Variants in NEURL4 observed in about 807,000 individuals in gnomAD.
NEURL4 encodes neuralized-like protein 4.
A neutral mutation model predicts 148.0 loss-of-function variants in NEURL4; 45 were observed. That is an observed-to-expected ratio of 0.30 (90% confidence interval 0.24 to 0.39). The LOEUF is 0.39. NEURL4 is among the 10% of genes least tolerant of loss of function. NEURL4 has a pLI of 1.00. For synonymous variants in NEURL4, 854 were observed against 869.0 expected, an observed-to-expected ratio of 0.98 and a Z score of 0.30; for missense variants, 1,776 against 2,144.0, an observed-to-expected ratio of 0.83 and a Z score of 3.39.
In NEURL4 at chr17:7,327,476, A is replaced by G; in HGVS notation, c.691T>C (p.Ser231Pro). 1 of 1,571,836 alleles carries G rather than the reference A, an allele frequency of 6.4e-7. No individual in the cohort carries two copies. The highest frequency in any genetic ancestry group is 8.6e-7 in the Non-Finnish European group (1 of 1,156,346). Residue 231 changes from serine (S) to proline (P), a missense_variant, in exon 2 of 29, where the codon TCT becomes CCT. Coordinates refer to ENST00000399464, the MANE Select transcript of NEURL4 (RefSeq NM_032442.3). The surrounding 1 kb of genome is among the most constrained non-coding windows in gnomAD (Gnocchi z 6.6). ...GAGGTCCCCTGTTCAGCCAAGGCAG[A>G]GTCTTCAGTGGGGGCCAAGGGCTCG... ...PLEPLAPTED[S>P]ALAEQGTSAD...
In NEURL4 at chr17:7,326,539, C is replaced by T. The variant is rs2073105256; in HGVS notation, c.1102G>A (p.Asp368Asn). 3.7e-6 allele frequency: 6 copies of T among 1,613,720 alleles called. No individual in the cohort carries two copies. The highest frequency in any genetic ancestry group is 2.2e-5 in the East Asian group (1 of 44,876). The change falls in exon 5 of 29, where the codon GAC (aspartate) becomes AAC (asparagine). Residue 368 changes from aspartate to asparagine, a missense_variant. Asp to Asn is a conservative substitution (Grantham distance 23, BLOSUM62 1). Coordinates refer to ENST00000399464, the MANE Select transcript of NEURL4 (RefSeq NM_032442.3). This position sits in a 1 kb window ranked among gnomAD's most constrained non-coding sequence, Gnocchi z 6.0. Reference protein sequence around the residue: ...RDNEMFEIRIDKLVDKWSGSI... With the variant: ...RDNEMFEIRINKLVDKWSGSI... The stretch of plus-strand genomic sequence containing the variant: ...CCTGACCACTTATCAACAAGCTTGT[C>T]GATACGGATCTGGCATTGAGGGACA...
Position 7,325,314 on chromosome 17 carries a change from C to T in NEURL4, c.1526G>A (p.Arg509His), listed in dbSNP as rs746359010. 1.9e-5 allele frequency: 30 copies of T among 1,612,708 alleles called. No homozygotes were observed. The highest frequency in any genetic ancestry group is 2.2e-5 in the East Asian group (1 of 44,884). ...TTCTGCCTGGGCGGCAGGGGCAGCACGGCGGAGAGCACCCTCGGGGGACAG... is the reference window on the plus strand; with the variant it reads ...TTCTGCCTGGGCGGCAGGGGCAGCATGGCGGAGAGCACCCTCGGGGGACAG... The part of the protein sequence containing the change: ...RALSPEGALR[R>H]AAPAAQAEPE... The change falls in exon 8 of 29, where the codon CGT becomes CAT. Residue 509 changes from arginine (R) to histidine (H), a missense_variant. Transcript: ENST00000399464.
In NEURL4 at chr17:7,317,554, C is replaced by T; in HGVS notation, c.4225G>A (p.Ala1409Thr). 1.2e-6 allele frequency: 2 copies of T among 1,614,198 alleles called. No homozygotes were observed. Among genetic ancestry groups the T allele is most frequent in the Non-Finnish European group, 1.7e-6 (2 of 1,180,016 alleles). Residue 1409 changes from alanine to threonine, a missense_variant, in exon 27 of 29, where the codon GCT becomes ACT. Transcript: ENST00000399464. ...FNLRVNPRLE[A>T]GTLTKKWHMA... ...TGCCACTTCTTGGTTAGTGTCCCAG[C>T]CTCCAGGCGGGGATTCACTCTAGGA...
chr17:7,324,177 G>A lies in NEURL4; in HGVS notation c.1993C>T (p.Pro665Ser). Residue 665 changes from proline (P) to serine (S), a missense_variant, in exon 11 of 29, where the codon CCC (proline) becomes TCC (serine). Physicochemically the swap from Pro to Ser is moderately conservative, Grantham distance 74 (BLOSUM62 -1). Transcript: ENST00000399464. The surrounding 1 kb of genome is among the most constrained non-coding windows in gnomAD (Gnocchi z 5.9). ...MTQGPAAWNV[P>S]PGVYAVVDLY... Reference sequence around the variant, plus strand: ...TCGACGACAGCATAGACGCCCGGGGGCACGTTCCAGGCAGCAGGGCCCTGA... The same window carrying A: ...TCGACGACAGCATAGACGCCCGGGGACACGTTCCAGGCAGCAGGGCCCTGA... 3.1e-6 allele frequency: 5 copies of A among 1,613,744 alleles called. No homozygotes were observed. Among genetic ancestry groups the A allele is most frequent in the Non-Finnish European group, 4.2e-6 (5 of 1,180,014 alleles).
chr17:7,316,757 A>G (rs1429680897), intron 28 of NEURL4, among the ~76,000 whole-genome samples: 2 of 152,126 alleles, frequency 1.3e-5, no homozygotes, highest in Non-Finnish European at 2.9e-5. Context: ...CCCCGTCTCT[A>G]CTAAAAATAC....
At position 7,324,364 on chromosome 17, in the gene NEURL4, C is replaced by A. The variant is rs745552743; in HGVS notation, c.1899+31G>T. 1.2e-6 allele frequency: 2 copies of A among 1,613,756 alleles called. No homozygotes were observed. The highest frequency in any genetic ancestry group is 1.7e-5 in the Admixed American group (1 of 60,028). The stretch of plus-strand genomic sequence containing the variant: ...CCCGCGGTGTTTGTGATGCCCGCTG[C>A]GGCCGCCAGGCGGCGCACCCACTTT... On this transcript the variant is annotated intron_variant, in intron 10 of 28. Transcript: ENST00000399464. This position sits in a 1 kb window ranked among gnomAD's most constrained non-coding sequence, Gnocchi z 5.9.
intron 1 of NEURL4, 72 bp downstream of exon 1, chr17:7,328,959 G>A: frequency 9.9e-6 from 14 of 1,408,212 alleles, no homozygotes; most frequent in South Asian, 1.5e-5. Context: ...TACCCTGGCT[G>A]TCCTACCCCG....
chr17:7,318,451 C>T lies in NEURL4; in HGVS notation c.3864+44G>A, dbSNP rs760892963. ...GAGATTTCCCCTGTCCTGGACAGCG[C>T]AGACTCTCAGGCACCCCTCCTCCCT... is the stretch of plus-strand genomic sequence containing the variant. On this transcript the variant is annotated intron_variant, in intron 23 of 28. Transcript: ENST00000399464. This position sits in a 1 kb window ranked among gnomAD's most constrained non-coding sequence, Gnocchi z 4.3. 48 of 1,604,682 alleles carry T rather than the reference C, an allele frequency of 3.0e-5. No individual in the cohort carries two copies. The South Asian group carries it at 5.2e-4, about 17-fold the overall frequency.
rs1567623812 is a variant in NEURL4 at position 7,327,923 on chromosome 17, AC to A, written c.283-40del. 4 of 1,468,040 alleles carry A rather than the reference AC, an allele frequency of 2.7e-6. No individual in the cohort carries two copies. Among genetic ancestry groups the A allele is most frequent in the Admixed American group, 4.3e-5 (2 of 46,910 alleles). 90.9% of individuals were successfully genotyped at this position (1,468,040 alleles called of 1,614,324 possible). A position where few individuals can be genotyped will look rare whatever the true frequency, so the allele number is the denominator to read the frequency against. Reference sequence around the variant, plus strand: ...ATTGGACAGAGGCTTAGAATGGGCCACCCCCCATTCCACAGGCCACCATATC... The same window carrying A: ...ATTGGACAGAGGCTTAGAATGGGCCACCCCCATTCCACAGGCCACCATATC... On this transcript the variant is annotated intron_variant, in intron 1 of 28. Transcript: ENST00000399464. This position sits in a 1 kb window ranked among gnomAD's most constrained non-coding sequence, Gnocchi z 6.6.
Position 7,317,478 on chromosome 17 carries a change from C to G in NEURL4, c.4301G>C (p.Arg1434Pro), listed in dbSNP as rs1219749504. ...GCCAGTACCTGCTCCCAGCTCCCCT[C>G]GGTCCAGCACTCTCCGTACAGCGGC... The part of the protein sequence containing the change: ...NVAAVRRVLD[R>P]GELGAGTASI... The change falls in exon 27 of 29, where the codon CGA (arginine) becomes CCA (proline). Residue 1434 changes from arginine to proline, a missense_variant. Physicochemically the swap from Arg to Pro is moderately radical, Grantham distance 103. Coordinates refer to ENST00000399464, the MANE Select transcript of NEURL4 (RefSeq NM_032442.3). The G allele has an allele frequency of 2.5e-6, 4 of 1,614,084 alleles. No homozygotes were observed. Among genetic ancestry groups the G allele is most frequent in the Non-Finnish European group, 3.4e-6 (4 of 1,180,026 alleles).
At position 7,319,015 on chromosome 17, in the gene NEURL4, C is replaced by T. The variant is rs900205970; in HGVS notation, c.3684+35G>A. ...TGGCCAGCCCTTCTCTACTCACAGG[C>T]CTGGTCCTGTTCCTTCTCTCTGGCT... is the stretch of plus-strand genomic sequence containing the variant. On this transcript the variant is annotated intron_variant, in intron 22 of 28. Coordinates refer to ENST00000399464, the MANE Select transcript of NEURL4 (RefSeq NM_032442.3). The T allele has an allele frequency of 2.5e-6, 4 of 1,576,458 alleles. No homozygotes were observed. The African/African-American group carries it at 5.4e-5, about 21-fold the overall frequency.
At chr17:7,319,334 G>T in intron 21 of NEURL4, 126 bp from the exon 22 acceptor site, 1 of 578,866 alleles carries the variant, frequency 1.7e-6, no homozygotes, top group Non-Finnish European at 2.8e-6. Context: ...TCTTATGCTT[G>T]GAAGGACCAG....
At chr17:7,317,667 G>C (rs2143011351) in intron 26 of NEURL4, 94 bp from the exon 27 acceptor site, 1 of 1,556,828 alleles carries the variant, frequency 6.4e-7, no homozygotes, top group Non-Finnish European at 8.8e-7. Flanking sequence ...GGAAGTCCCT[G>C]GCACTTCCTG....
chr17:7,317,541 G>T lies in NEURL4; in HGVS notation c.4238C>A (p.Thr1413Asn). Residue 1413 changes from threonine (T) to asparagine (N), a missense_variant, in exon 27 of 29, where the codon ACC becomes AAC. Thr to Asn is a moderately conservative substitution (Grantham distance 65). Transcript: ENST00000399464. ...VNPRLEAGTL[T>N]KKWHMAYHGS... ...GTGATATGCCATGTGCCACTTCTTG[G>T]TTAGTGTCCCAGCCTCCAGGCGGGG... 6.2e-7 allele frequency: 1 copy of T among 1,614,180 alleles called. No individual in the cohort carries two copies. The highest frequency in any genetic ancestry group is 1.1e-5 in the South Asian group (1 of 91,086).
rs2072989680 is a variant in NEURL4 at position 7,318,999 on chromosome 17, C to G, written c.3684+51G>C. On this transcript the variant is annotated intron_variant, in intron 22 of 28. Transcript: ENST00000399464. This position sits in a 1 kb window ranked among gnomAD's most constrained non-coding sequence, Gnocchi z 4.3. ...GCCCACTTCTCCCTTCTGGCCAGCC[C>G]TTCTCTACTCACAGGCCTGGTCCTG... 1 of 1,544,788 alleles carries G rather than the reference C, an allele frequency of 6.5e-7. No individual in the cohort carries two copies. Among genetic ancestry groups the G allele is most frequent in the African/African-American group, 1.4e-5 (1 of 72,520 alleles).
At chr17:7,325,145 GCCCCGC>G in intron 8 of NEURL4, 58 bp downstream of exon 8, 2 of 830,662 alleles carry the variant, frequency 2.4e-6, no homozygotes, top group Non-Finnish European at 3.6e-6. Flanking sequence ...CCACTTCCTT[GCCCCGC>G]CCCCCCCCCC....
In NEURL4 at chr17:7,319,204, C is replaced by T. The variant is rs374047399; in HGVS notation, c.3530G>A (p.Arg1177Gln). 1.5e-5 allele frequency: 24 copies of T among 1,610,634 alleles called. No homozygotes were observed. The highest frequency in any genetic ancestry group is 6.6e-5 in the South Asian group (6 of 90,846). ...PLVPQLLVQVRIDFLNRQWTS... is the reference protein window; with the variant it reads ...PLVPQLLVQVQIDFLNRQWTS... ...CCACTGTCGGTTTAGGAAATCTATC[C>T]GCACCTGGGGAAGAAAGAACTACTC... The change falls in exon 22 of 29, where the codon CGG becomes CAG. Residue 1177 changes from arginine to glutamine, a missense_variant. By Grantham distance (43) the Arg-to-Gln change is conservative. Transcript: ENST00000399464.
Position 7,321,654 on chromosome 17 carries a change from C to T in NEURL4, c.3005G>A (p.Arg1002Gln), listed in dbSNP as rs1230623606. The T allele has an allele frequency of 2.6e-5, 42 of 1,613,828 alleles. No homozygotes were observed. The highest frequency in any genetic ancestry group is 6.7e-5 in the East Asian group (3 of 44,896). The change falls in exon 18 of 29, where the codon CGG (arginine) becomes CAG (glutamine). Residue 1002 changes from arginine (R) to glutamine (Q), a missense_variant. Arg to Gln is a conservative substitution (Grantham distance 43). Coordinates refer to ENST00000399464, the MANE Select transcript of NEURL4 (RefSeq NM_032442.3). This position sits in a 1 kb window ranked among gnomAD's most constrained non-coding sequence, Gnocchi z 6.3. ...PGLPPSLPELRTKTTWMVSSC... is the reference protein window; with the variant it reads ...PGLPPSLPELQTKTTWMVSSC... ...GGATACCATCCAAGTGGTCTTCGTC[C>T]GGAGCTCTGGCAGGGAAGGAGGCAG...
Position 7,323,393 on chromosome 17 carries a change from T to C in NEURL4, c.2417+92A>G, listed in dbSNP as rs2270982. 0.063 allele frequency: 84,677 copies of C among 1,339,714 alleles called. 3,482 individuals are homozygous for C. Among genetic ancestry groups the C allele is most frequent in the East Asian group, 0.17 (7,487 of 43,146 alleles). 83.0% of individuals were successfully genotyped at this position (1,339,714 alleles called of 1,614,324 possible). A position where few individuals can be genotyped will look rare whatever the true frequency, so the allele number is the denominator to read the frequency against. On this transcript the variant is annotated intron_variant, in intron 14 of 28. Transcript: ENST00000399464. ...CAGGTAGATCCCCTAGGTCTGTCACTACCCACAGCCACCATAGGCCCAAAC... is the reference window on the plus strand; with the variant it reads ...CAGGTAGATCCCCTAGGTCTGTCACCACCCACAGCCACCATAGGCCCAAAC...
Sources: gnomAD v4.1 joint callset for allele counts (sites outside exome capture counted in the v4.1 genomes callset) on GRCh38, gnomAD v4.1.1 for gene constraint, Gnocchi (gnomAD v3.1) non-coding constraint, MANE v1.5 for transcripts, NCBI Gene and HGNC (gene_info 2026-07-23, HGNC 2026-07-21) for gene names.